Variants in PLD5 observed in about 807,000 individuals in gnomAD.
PLD5 encodes phospholipase D family member 5.
PLD5 carries 36 observed loss-of-function variants against 61.1 expected under a neutral mutation model. That is an observed-to-expected ratio of 0.59 (90% CI 0.45 to 0.78). The LOEUF is 0.78. Among genes scored for constraint, PLD5 ranks in the 30% least tolerant of loss-of-function variants. The pLI is 0.00. For synonymous variants in PLD5, 243 were observed against 242.8 expected (o/e 1.00, Z -0.01); for missense variants, 515 against 644.4 (o/e 0.80, Z 2.17).
intron 7 of PLD5, among the ~76,000 whole-genome samples, chr1:242,111,223 AT>A (rs1661468301): frequency 6.6e-6 from 1 of 151,946 alleles, no homozygotes; most frequent in African/African-American, 2.4e-5. Context: ...TGCCCAGCTA[AT>A]TTTTGTACTT....
chr1:242,265,380 A>G lies in PLD5; in HGVS notation c.564T>C (p.Asp188=). ...CTAATACCTTTGAATCAGCTGTTACATCACTCACTAGCTTGATTTCAATAT... is the reference window on the plus strand; with the variant it reads ...CTAATACCTTTGAATCAGCTGTTACGTCACTCACTAGCTTGATTTCAATAT... ...SQNIEIKLVS[D]VTADSKVLEA... Residue 188 remains aspartate, a synonymous_variant, in exon 4 of 10, where the codon GAT becomes GAC. Coordinates refer to ENST00000536534, the MANE Select transcript of PLD5 (RefSeq NM_001372062.1). 6.2e-7 allele frequency: 1 copy of G among 1,612,966 alleles called. No individual in the cohort carries two copies. Among genetic ancestry groups the G allele is most frequent in the Non-Finnish European group, 8.5e-7 (1 of 1,179,598 alleles).
rs139140673 is a variant in PLD5, at chr1:242,332,154, G to A, written c.326+15952C>T. Reference sequence around the variant, plus strand: ...ATGTGGTGTTTGGTTTTCTGTTCATGTATTAGTTTGCTGAGAACGATAGTT... The same window carrying A: ...ATGTGGTGTTTGGTTTTCTGTTCATATATTAGTTTGCTGAGAACGATAGTT... On this transcript the variant is annotated intron_variant, in intron 2 of 9. Coordinates refer to ENST00000536534, the MANE Select transcript of PLD5 (RefSeq NM_001372062.1). Among the ~76,000 whole-genome samples, 191 of 152,052 alleles carry A rather than the reference G, an allele frequency of 1.3e-3. 1 individual carries two copies. Among genetic ancestry groups the A allele is most frequent in the Middle Eastern group, 0.01 (3 of 294 alleles).
intron 1 of PLD5, among the ~76,000 whole-genome samples, chr1:242,490,871 G>C (rs562450085): frequency 6.6e-6 from 1 of 151,696 alleles, no homozygotes; most frequent in East Asian, 1.9e-4. Flanking sequence ...CTTAGGTTTT[G>C]CATTCCTAAT....
chr1:242,240,512 G>A (rs145541260), intron 4 of PLD5, among the ~76,000 whole-genome samples: 2 of 152,250 alleles, frequency 1.3e-5, no homozygotes, highest in Non-Finnish European at 2.9e-5. Flanking sequence ...AATTTTGATG[G>A]TCTTCTTTCT....
intron 7 of PLD5, among the ~76,000 whole-genome samples, chr1:242,108,663 A>G (rs542089188): frequency 6.6e-6 from 1 of 152,298 alleles, no homozygotes; most frequent in African/African-American, 2.4e-5. Flanking sequence ...CCAAGCCTTA[A>G]ATCACTCTCC....
intron 5 of PLD5, among the ~76,000 whole-genome samples, chr1:242,132,817 A>G (rs1161605755): frequency 6.6e-6 from 1 of 152,160 alleles, no homozygotes; most frequent in Non-Finnish European, 1.5e-5. Flanking sequence ...AATTGAAGAG[A>G]CAGGGGAGGA....
rs117748102 is a variant in PLD5 at position 242,102,711 on chromosome 1, G to T, written c.1240-1929C>A. ...CAAGATTCCAATCCTCACTTTTCTT[G>T]TAAGAGTTTATCACCCATCTGTGTT... On this transcript the variant is annotated intron_variant, in intron 8 of 9. Coordinates refer to ENST00000536534, the MANE Select transcript of PLD5 (RefSeq NM_001372062.1). Among the ~76,000 whole-genome samples the T allele has an allele frequency of 2.8e-3, 427 of 152,248 alleles. 5 individuals carry two copies. Among genetic ancestry groups the T allele is most frequent in the Admixed American group, 0.02 (313 of 15,292 alleles).
chr1:242,223,173 A>G (rs6701820), intron 4 of PLD5, among the ~76,000 whole-genome samples: 50,321 of 151,896 alleles, frequency 0.33, 8,821 homozygotes, highest in East Asian at 0.59. Context: ...AAACATGAGG[A>G]TCTCTCTCTG....
intron 2 of PLD5, among the ~76,000 whole-genome samples, chr1:242,316,178 C>A (rs1337426048): frequency 3.9e-5 from 6 of 152,170 alleles, no homozygotes; most frequent in Non-Finnish European, 8.8e-5. Flanking sequence ...GTAATAAATG[C>A]CAGTTGTCAT....
intron 1 of PLD5, among the ~76,000 whole-genome samples, chr1:242,428,724 G>GAA (rs5782236): frequency 2.7e-5 from 4 of 150,106 alleles, no homozygotes; most frequent in African/African-American, 9.8e-5. Flanking sequence ...AGAAGAAGAA[G>GAA]AAAAAAAAAC....
intron 1 of PLD5, among the ~76,000 whole-genome samples, chr1:242,382,140 C>CAAAAAAAA (rs771218262): frequency 5.0e-5 from 5 of 99,190 alleles, no homozygotes; most frequent in African/African-American, 1.2e-4. Flanking sequence ...AAAAAAAAAA[C>CAAAAAAAA]AAAACAAAAA....
chr1:242,211,978 C>T (rs1005203180), intron 5 of PLD5, among the ~76,000 whole-genome samples: 21 of 152,156 alleles, frequency 1.4e-4, no homozygotes, highest in Admixed American at 5.2e-4. Flanking sequence ...GCATGCTAGA[C>T]GTAAAGCTCT....
intron 5 of PLD5, among the ~76,000 whole-genome samples, chr1:242,184,904 A>G (rs1170724087): frequency 1.3e-5 from 2 of 152,204 alleles, no homozygotes; most frequent in Non-Finnish European, 1.5e-5. Context: ...ATGAGATCCA[A>G]GAGTCAGAAC....
intron 4 of PLD5, among the ~76,000 whole-genome samples, chr1:242,248,446 T>TA (rs1296107316): frequency 2.1e-5 from 3 of 144,400 alleles, no homozygotes; most frequent in African/African-American, 2.6e-5. Flanking sequence ...AAAGTATATT[T>TA]AAAAAAAAAG....
At chr1:242,314,981 T>C (rs902751213) in intron 2 of PLD5, among the ~76,000 whole-genome samples, 1 of 152,200 alleles carries the variant, frequency 6.6e-6, no homozygotes, top group Admixed American at 6.5e-5. Context: ...ATACAACACA[T>C]AGAAGAGCTG....
At chr1:242,113,556 A>T (rs1426493733) in intron 7 of PLD5, among the ~76,000 whole-genome samples, 2 of 152,110 alleles carry the variant, frequency 1.3e-5, no homozygotes, top group Middle Eastern at 3.2e-3. Flanking sequence ...TCAAATGATA[A>T]TTTTTTTCAT....
At chr1:242,137,845 A>G (rs1289958843) in intron 5 of PLD5, among the ~76,000 whole-genome samples, 4 of 152,228 alleles carry the variant, frequency 2.6e-5, no homozygotes, top group East Asian at 3.9e-4. Flanking sequence ...TGTGGGGGAA[A>G]AAGAAAAGAA....
In PLD5 at chr1:242,425,770, G is replaced by A. The variant is rs534503529; in HGVS notation, c.190-77528C>T. On this transcript the variant is annotated intron_variant, in intron 1 of 9. Coordinates refer to ENST00000536534, the MANE Select transcript of PLD5 (RefSeq NM_001372062.1). ...CCATTCTCCTGCCTCAGCCTCCTGA[G>A]TAGCTGGGACTACAGGTGCCCGCCA... Among the ~76,000 whole-genome samples the A allele has an allele frequency of 3.3e-5, 5 of 151,412 alleles. No individual in the cohort carries two copies. The South Asian group carries it at 1.0e-3, about 32-fold the overall frequency.
At chr1:242,282,867 C>T (rs2494890) in intron 3 of PLD5, among the ~76,000 whole-genome samples, 1 of 152,106 alleles carries the variant, frequency 6.6e-6, no homozygotes, top group African/African-American at 2.4e-5. Context: ...AAACCTTTTG[C>T]CCGACCATGT....
Sources: gnomAD v4.1 joint callset for allele counts (sites outside exome capture counted in the v4.1 genomes callset) on GRCh38, gnomAD v4.1.1 for gene constraint, MANE v1.5 for transcripts, NCBI Gene and HGNC (gene_info 2026-07-23, HGNC 2026-07-21) for gene names.